TIPARP: variants seen among roughly 807,000 people sequenced by gnomAD.
TIPARP encodes protein mono-ADP-ribosyltransferase TIPARP.
TIPARP carries 12 observed loss-of-function variants against 56.5 expected under a neutral mutation model. The observed-to-expected ratio is 0.21, with a 90% confidence interval of 0.14 to 0.34. TIPARP has a LOEUF of 0.34. Ranked by LOEUF, TIPARP falls within the 10% of genes least tolerant of loss-of-function variation. TIPARP has a pLI of 1.00. For synonymous variants in TIPARP, 296 were observed against 265.7 expected (o/e 1.11, Z -1.11); for missense variants, 604 against 781.6 (o/e 0.77, Z 2.71).
At chr3:156,695,002 T>A (rs1470352597) in intron 3 of TIPARP, among the ~76,000 whole-genome samples, 2 of 152,150 alleles carry the variant, frequency 1.3e-5, no homozygotes, top group African/African-American at 2.4e-5. Flanking sequence ...TAATCACTAG[T>A]ATCTACCTTC....
intron 1 of TIPARP, chr3:156,676,830 T>G (rs1262283788): frequency 1.3e-5 from 2 of 152,168 alleles, no homozygotes; most frequent in African/African-American, 4.8e-5. Flanking sequence ...TTTTCTATAG[T>G]ATGCCTTCAT....
chr3:156,681,125 C>T (rs748225153), intron 2 of TIPARP: 8 of 456,300 alleles, frequency 1.8e-5, no homozygotes, highest in Non-Finnish European at 3.1e-5. Context: ...TTCCTGGCAA[C>T]AAGATGCAGA....
chr3:156,704,906 C>A lies in TIPARP; in HGVS notation c.1749C>A (p.Val583=), dbSNP rs1423564012. 6.2e-7 allele frequency: 1 copy of A among 1,614,190 alleles called. No individual in the cohort carries two copies. The highest frequency in any genetic ancestry group is 1.7e-5 in the Admixed American group (1 of 60,026). Residue 583 remains valine, a synonymous_variant, in exon 6 of 6, where the codon GTC becomes GTA. Transcript: ENST00000295924. ...HNFSKKSSKG[V]HFMFLAKVLT... ...TTTCTAAGAAGTCCTCCAAAGGAGT[C>A]CACTTCATGTTTCTGGCCAAAGTGC...
chr3:156,677,812 T>C lies in TIPARP; in HGVS notation c.115T>C (p.Cys39Arg), dbSNP rs1490831364. 2 of 1,614,054 alleles carry C rather than the reference T, an allele frequency of 1.2e-6. No homozygotes were observed. The highest frequency in any genetic ancestry group is 4.5e-5 in the East Asian group (2 of 44,902). ...LSEKITPLKT[C>R]FKKKDQKRLG... ...TGAGAAGATCACTCCATTGAAGACT[T>C]GTTTTAAGAAAAAGGATCAGAAAAG... Residue 39 changes from cysteine to arginine, a missense_variant, in exon 2 of 6, where the codon TGT becomes CGT. Cys to Arg is a radical substitution (Grantham distance 180). Transcript: ENST00000295924.
intron 2 of TIPARP, among the ~76,000 whole-genome samples, chr3:156,684,275 A>T (rs1186484714): frequency 6.6e-6 from 1 of 152,174 alleles, no homozygotes; most frequent in African/African-American, 2.4e-5. Context: ...AAAAGACCAC[A>T]GTGCTGAAGG....
chr3:156,697,776 G>C (rs1722753003), intron 4 of TIPARP, among the ~76,000 whole-genome samples: 1 of 152,044 alleles, frequency 6.6e-6, no homozygotes, highest in Non-Finnish European at 1.5e-5. Context: ...TTGTTTTGGG[G>C]TGCCAAGAAC....
rs10631452 is a variant in TIPARP, at chr3:156,695,826, C to CTTTTTTTTTT, written c.1087-31_1087-22dup. ...TTTTTAACCATGATTATTAACTTTC[C>CTTTTTTTTTT]TTTTTTTTTTTTTTTTTGTTCTGTT... On this transcript the variant is annotated intron_variant, in intron 3 of 5. Transcript: ENST00000295924. 9.9e-4 allele frequency: 1,016 copies of CTTTTTTTTTT among 1,031,140 alleles called. 12 individuals are homozygous for CTTTTTTTTTT. Among genetic ancestry groups the CTTTTTTTTTT allele is most frequent in the African/African-American group, 5.0e-3 (229 of 45,784 alleles). The allele number at this position is 1,031,140 out of a possible 1,614,324, so 63.9% of individuals were successfully genotyped here. A position where few individuals can be genotyped will look rare whatever the true frequency, so the allele number is the denominator to read the frequency against.
At position 156,704,762 on chromosome 3, in the gene TIPARP, C is replaced by G; in HGVS notation, c.1605C>G (p.Ser535=). The G allele has an allele frequency of 1.9e-6, 3 of 1,614,112 alleles. No individual in the cohort carries two copies. The highest frequency in any genetic ancestry group is 2.5e-6 in the Non-Finnish European group (3 of 1,180,018). ...AGAGACATTTATTTCATGGAACATCCCAGGATGTGGTAGATGGAATCTGCA... is the reference window on the plus strand; with the variant it reads ...AGAGACATTTATTTCATGGAACATCGCAGGATGTGGTAGATGGAATCTGCA... ...INERHLFHGT[S]QDVVDGICKH... The change falls in exon 6 of 6, where the codon TCC becomes TCG. Residue 535 remains serine (S), a synonymous_variant. Transcript: ENST00000295924.
chr3:156,686,808 T>C (rs1294218122), intron 2 of TIPARP, among the ~76,000 whole-genome samples: 1 of 152,152 alleles, frequency 6.6e-6, no homozygotes, highest in Non-Finnish European at 1.5e-5. Flanking sequence ...AATTGAGGTA[T>C]TTGAAAGCAA....
chr3:156,688,996 GGT>G (rs1722502925), intron 2 of TIPARP, among the ~76,000 whole-genome samples: 2 of 152,102 alleles, frequency 1.3e-5, no homozygotes, highest in African/African-American at 4.8e-5. Context: ...AGCTGATTAG[GGT>G]GTGTGTTAAT....
At chr3:156,681,076 G>T (rs911208057) in intron 2 of TIPARP, 1 of 451,428 alleles carries the variant, frequency 2.2e-6, no homozygotes, top group Non-Finnish European at 4.5e-6. Flanking sequence ...TGTGGTCATT[G>T]CAACCTGGTT....
intron 2 of TIPARP, among the ~76,000 whole-genome samples, chr3:156,685,314 A>G (rs1240386719): frequency 6.6e-6 from 1 of 152,226 alleles, no homozygotes; most frequent in Non-Finnish European, 1.5e-5. Flanking sequence ...ACTTACTGGT[A>G]ACACCCACTT....
chr3:156,694,056 C>G lies in TIPARP; in HGVS notation c.954C>G (p.Asn318Lys). The change falls in exon 3 of 6, where the codon AAC (asparagine) becomes AAG (lysine). Residue 318 changes from asparagine (N) to lysine (K), a missense_variant. This residue lies in a region of TIPARP where 252 missense variants were observed against 303.9 expected (regional missense o/e 0.83). Transcript: ENST00000295924. ...TTTGGGCAGATTTGAATGCCATGAA[C>G]GTGTATGAAACAACTGAATTTGACC... is the stretch of plus-strand genomic sequence containing the variant. ...QEFWADLNAM[N>K]VYETTEFDQL... The G allele has an allele frequency of 6.2e-7, 1 of 1,611,604 alleles. No homozygotes were observed.
At chr3:156,682,718 G>T (rs924194278) in intron 2 of TIPARP, among the ~76,000 whole-genome samples, 2 of 152,172 alleles carry the variant, frequency 1.3e-5, no homozygotes, top group Non-Finnish European at 2.9e-5. Context: ...TAACACTGGA[G>T]AGAGGAGAAC....
chr3:156,706,474 GTTTA>G lies in TIPARP; in HGVS notation c.*1346_*1349del, dbSNP rs1418086083. The stretch of plus-strand genomic sequence containing the variant: ...TACTGATGTCTCAGTGAATCAGTCT[GTTTA>G]TTAAGCACTTATCAGGGCTTCCACA... On this transcript the variant is annotated 3_prime_UTR_variant, in exon 6 of 6. Transcript: ENST00000295924. 1 of 152,624 alleles carries G rather than the reference GTTTA, an allele frequency of 6.6e-6. No individual in the cohort carries two copies. Among genetic ancestry groups the G allele is most frequent in the Non-Finnish European group, 1.5e-5 (1 of 68,034 alleles). 9.5% of individuals were successfully genotyped at this position (152,624 alleles called of 1,614,324 possible).
intron 2 of TIPARP, chr3:156,681,311 C>T (rs1214119605): frequency 1.3e-5 from 5 of 371,694 alleles, no homozygotes; most frequent in African/African-American, 2.1e-5. Context: ...GTGTATATGT[C>T]GAAGTTGGAA....
At chr3:156,695,180 T>C (rs1722680041) in intron 3 of TIPARP, among the ~76,000 whole-genome samples, 2 of 150,462 alleles carry the variant, frequency 1.3e-5, no homozygotes, top group Admixed American at 1.3e-4. Flanking sequence ...GCTTGAACTT[T>C]ATATACCACC....
At chr3:156,696,083 G>T in intron 4 of TIPARP, 58 bp downstream of exon 4, 1 of 1,527,484 alleles carries the variant, frequency 6.5e-7, no homozygotes, top group Non-Finnish European at 8.8e-7. Context: ...ATGCATTCCT[G>T]AATACTAGAG....
At chr3:156,690,397 A>G (rs1722536947) in intron 2 of TIPARP, among the ~76,000 whole-genome samples, 1 of 152,180 alleles carries the variant, frequency 6.6e-6, no homozygotes, top group African/African-American at 2.4e-5. Flanking sequence ...TTGGTGCTCT[A>G]TGCATTGGTA....
Sources: gnomAD v4.1 joint callset for allele counts (sites outside exome capture counted in the v4.1 genomes callset) on GRCh38, gnomAD v4.1.1 for gene constraint, gnomAD v4.1.1 regional missense constraint, MANE v1.5 for transcripts, NCBI Gene and HGNC (gene_info 2026-07-23, HGNC 2026-07-21) for gene names.